BUB1: variants seen among roughly 807,000 people sequenced by gnomAD.
The protein encoded by BUB1 is mitotic checkpoint serine/threonine-protein kinase BUB1.
Under a neutral mutation model 135.2 loss-of-function variants are expected in BUB1, and 84 were observed. That is an observed-to-expected ratio of 0.62 (90% confidence interval 0.52 to 0.74). The LOEUF (loss-of-function observed/expected upper bound fraction) is 0.74. Among genes scored for constraint, BUB1 ranks in the 30% least tolerant of loss-of-function variants. BUB1 has a pLI of 0.00. For synonymous variants in BUB1, 403 were observed against 434.4 expected, an observed-to-expected ratio of 0.93 and a Z score of 0.90; for missense variants, 1,162 against 1,288.3, an observed-to-expected ratio of 0.90 and a Z score of 1.50.
Position 110,641,114 on chromosome 2 carries a change from C to T in BUB1, c.2875G>A (p.Gly959Arg), listed in dbSNP as rs781017294. ...QSIDMKLFPKGTIFTAKCETS... is the reference protein window; with the variant it reads ...QSIDMKLFPKRTIFTAKCETS... ...TCACACTTTGCTGTGAATATAGTTC[C>T]TTTTGGAAAAAGTTTCATATCTATA... Residue 959 changes from glycine (G) to arginine (R), a missense_variant, in exon 23 of 25, where the codon GGA becomes AGA. Transcript: ENST00000302759. The T allele has an allele frequency of 6.2e-7, 1 of 1,613,526 alleles. No individual in the cohort carries two copies.
chr2:110,639,489 G>A (rs1689445292), intron 24 of BUB1, among the ~76,000 whole-genome samples: 1 of 152,014 alleles, frequency 6.6e-6, no homozygotes, highest in Non-Finnish European at 1.5e-5. Context: ...ACATTTGCGT[G>A]TGTACAGGAT....
chr2:110,641,522 A>C (rs1226415677), intron 21 of BUB1, 58 bp from the exon 22 acceptor site: 36 of 1,563,326 alleles, frequency 2.3e-5, no homozygotes, highest in Non-Finnish European at 2.8e-5. Context: ...TAAAATTTCA[A>C]ATTGAGAGCT....
At chr2:110,652,306 C>T (rs752116465) in intron 17 of BUB1, among the ~76,000 whole-genome samples, 11 of 152,098 alleles carry the variant, frequency 7.2e-5, no homozygotes, top group Non-Finnish European at 1.2e-4. Context: ...ATACTGCAAA[C>T]AAGTATCCTT....
intron 4 of BUB1, among the ~76,000 whole-genome samples, chr2:110,671,551 A>T (rs948206757): frequency 6.6e-6 from 1 of 152,206 alleles, no homozygotes; most frequent in African/African-American, 2.4e-5. Context: ...ATAGGTCTCA[A>T]ATTCTACTAA....
intron 4 of BUB1, among the ~76,000 whole-genome samples, chr2:110,671,951 A>C (rs1690435090): frequency 6.6e-6 from 1 of 152,246 alleles, no homozygotes; most frequent in African/African-American, 2.4e-5. Context: ...GGCCAGGCGC[A>C]GTGGCTCACA....
intron 19 of BUB1, among the ~76,000 whole-genome samples, chr2:110,644,947 CAA>C (rs938420805): frequency 6.6e-6 from 1 of 151,422 alleles, no homozygotes; most frequent in African/African-American, 2.4e-5. Flanking sequence ...TGAGAGGAGA[CAA>C]AATGGAATTA....
intron 15 of BUB1, 76 bp downstream of exon 15, chr2:110,656,960 G>T: frequency 2.8e-6 from 3 of 1,067,086 alleles, no homozygotes; most frequent in Non-Finnish European, 2.8e-6. Context: ...AATATCCTCT[G>T]ACTGGCATAA....
rs1004883434 is a variant in BUB1, at chr2:110,667,805, C to G, written c.612G>C (p.Glu204Asp). 16 of 1,613,202 alleles carry G rather than the reference C, an allele frequency of 9.9e-6. No homozygotes were observed. Among genetic ancestry groups the G allele is most frequent in the Non-Finnish European group, 1.4e-5 (16 of 1,179,810 alleles). Reference sequence around the variant, plus strand: ...GCACTGATTATACTTGCATATTTGACTCTTTATCACAAGCTGAAGATATCA... The same window carrying G: ...GCACTGATTATACTTGCATATTTGAGTCTTTATCACAAGCTGAAGATATCA... ...SGVISSACDK[E>D]SNMERRVITI... Residue 204 changes from glutamate to aspartate, a missense_variant, in exon 7 of 25, where the codon GAG becomes GAC. Coordinates refer to ENST00000302759, the MANE Select transcript of BUB1 (RefSeq NM_004336.5).
chr2:110,646,381 G>A (rs1465879956), intron 19 of BUB1, among the ~76,000 whole-genome samples: 1 of 151,572 alleles, frequency 6.6e-6, no homozygotes, highest in African/African-American at 2.4e-5. Flanking sequence ...GGCGGGACAG[G>A]GAGGGACGGG....
Position 110,637,852 on chromosome 2 carries a change from GGATTT to G in BUB1, c.*107_*111del. ...CTAAGTTACATGGAAATATTCCATGGGATTTATTTTTAACAAACATTTACATAAAC... is the reference window on the plus strand; with the variant it reads ...CTAAGTTACATGGAAATATTCCATGGATTTTTAACAAACATTTACATAAAC... On this transcript the variant is annotated 3_prime_UTR_variant, in exon 25 of 25. Transcript: ENST00000302759. The G allele has an allele frequency of 9.0e-6, 7 of 778,814 alleles. No individual in the cohort carries two copies. Among genetic ancestry groups the G allele is most frequent in the Non-Finnish European group, 1.3e-5 (7 of 544,772 alleles). The allele number at this position is 778,814 out of a possible 1,614,324, so 48.2% of individuals were successfully genotyped here.
intron 10 of BUB1, 108 bp downstream of exon 10, chr2:110,661,474 C>CAG: frequency 7.4e-7 from 1 of 1,346,792 alleles, no homozygotes; most frequent in East Asian, 2.4e-5. Context: ...AAATAAAAGG[C>CAG]AGACATCATT....
intron 15 of BUB1, among the ~76,000 whole-genome samples, chr2:110,656,611 A>G (rs1273357818): frequency 6.6e-6 from 1 of 152,218 alleles, no homozygotes; most frequent in East Asian, 1.9e-4. Context: ...TGCTGTCAAC[A>G]TGACTTATTC....
Position 110,674,118 on chromosome 2 carries a change from C to T in BUB1, c.193G>A (p.Asp65Asn). Residue 65 changes from aspartate to asparagine, a missense_variant, in exon 3 of 25, where the codon GAC (aspartate) becomes AAC (asparagine). Transcript: ENST00000302759. The part of the protein sequence containing the change: ...EFLDKKKYHN[D>N]PRFISYCLKF... ...AAACAATAACTGATGAATCTTGGGT[C>T]ATTGTGGTATTTCTTCTTATCTAAA... The T allele has an allele frequency of 1.9e-6, 3 of 1,546,116 alleles. No homozygotes were observed. The highest frequency in any genetic ancestry group is 2.7e-6 in the Non-Finnish European group (3 of 1,119,690).
rs140025456 is a variant in BUB1, at chr2:110,641,330, T to G, written c.2760A>C (p.Pro920=). 2.4e-5 allele frequency: 39 copies of G among 1,609,082 alleles called. No homozygotes were observed. In the African/African-American group the frequency reaches 4.7e-4, roughly 19 times the overall value. The change falls in exon 22 of 25, where the codon CCA becomes CCC. Residue 920 remains proline, a synonymous_variant. Coordinates refer to ENST00000302759, the MANE Select transcript of BUB1 (RefSeq NM_004336.5). ...DCEIIHGDIK[P]DNFILGNGFL... ...GCCCGTTTCCAAGTATGAAATTGTC[T>G]GGTTTAATGTCTCCATGAATGATTT...
intron 11 of BUB1, among the ~76,000 whole-genome samples, chr2:110,659,386 C>T (rs543994254): frequency 6.6e-6 from 1 of 152,308 alleles, no homozygotes; most frequent in African/African-American, 2.4e-5. Context: ...CTTTCCCCCT[C>T]TGTGTGGGTG....
rs1486604917 is a variant in BUB1, at chr2:110,648,364, A to C, written c.2347+870T>G. ...GGCAAAACTACACAGACAGCAAAACAATCAGTGGTTGCCAGGCGTTGGGGG... is the reference window on the plus strand; with the variant it reads ...GGCAAAACTACACAGACAGCAAAACCATCAGTGGTTGCCAGGCGTTGGGGG... On this transcript the variant is annotated intron_variant, in intron 19 of 24. Transcript: ENST00000302759. This position sits in a 1 kb window ranked among gnomAD's most constrained non-coding sequence, Gnocchi z 4.2. 6.6e-6 allele frequency among the ~76,000 whole-genome samples: 1 copy of C among 152,158 alleles called. No homozygotes were observed. Among genetic ancestry groups the C allele is most frequent in the Non-Finnish European group, 1.5e-5 (1 of 68,016 alleles).
At chr2:110,646,066 T>C (rs1689638035) in intron 19 of BUB1, among the ~76,000 whole-genome samples, 1 of 148,676 alleles carries the variant, frequency 6.7e-6, no homozygotes, top group East Asian at 2.0e-4. Context: ...GTGTGGTGGC[T>C]CACACCTGTA....
chr2:110,677,630 A>G (rs1200915703), intron 1 of BUB1, among the ~76,000 whole-genome samples: 1 of 152,238 alleles, frequency 6.6e-6, no homozygotes, highest in Non-Finnish European at 1.5e-5. Context: ...GTATCACAAA[A>G]TCTAAACACA....
At chr2:110,655,343 T>C (rs978802389) in intron 16 of BUB1, among the ~76,000 whole-genome samples, 1 of 152,200 alleles carries the variant, frequency 6.6e-6, no homozygotes, top group African/African-American at 2.4e-5. Context: ...TCTTATTAAA[T>C]TAGAAAATAT....
Sources: gnomAD v4.1 joint callset for allele counts (sites outside exome capture counted in the v4.1 genomes callset) on GRCh38, gnomAD v4.1.1 for gene constraint, Gnocchi (gnomAD v3.1) non-coding constraint, MANE v1.5 for transcripts, NCBI Gene and HGNC (gene_info 2026-07-23, HGNC 2026-07-21) for gene names.